DTL: variants seen among roughly 807,000 people sequenced by gnomAD.
DTL encodes the protein denticleless protein homolog.
Under a neutral mutation model 87.0 loss-of-function variants are expected in DTL, and 46 were observed. The observed-to-expected ratio is 0.53, with a 90% CI of 0.42 to 0.68. DTL has a LOEUF of 0.68. DTL is among the 30% of genes least tolerant of loss of function. DTL has a pLI of 0.00. For synonymous variants in DTL, 308 were observed against 311.2 expected, an observed-to-expected ratio of 0.99 and a Z score of 0.11; for missense variants, 737 against 869.4, an observed-to-expected ratio of 0.85 and a Z score of 1.91.
intron 5 of DTL, chr1:212,051,416 A>G (rs1667968506): frequency 1.9e-6 from 1 of 513,214 alleles, no homozygotes; most frequent in Non-Finnish European, 3.2e-6. Context: ...TCATTCTCGA[A>G]GGACATTTTT....
chr1:212,100,669 T>C lies in DTL; in HGVS notation c.1679T>C (p.Leu560Pro), dbSNP rs772596002. ...AAGAGGAGGCTAGACTCAAGCTGTCTGGAGAGTGTGAAACAAAAGTGTGTG... is the reference window on the plus strand; with the variant it reads ...AAGAGGAGGCTAGACTCAAGCTGTCCGGAGAGTGTGAAACAAAAGTGTGTG... ...RVKRRLDSSC[L>P]ESVKQKCVKS... The change falls in exon 14 of 15, where the codon CTG (leucine) becomes CCG (proline). Residue 560 changes from leucine (L) to proline (P), a missense_variant. Leu to Pro is a moderately conservative substitution (Grantham distance 98, BLOSUM62 -3). Transcript: ENST00000366991. 2 of 1,614,114 alleles carry C rather than the reference T, an allele frequency of 1.2e-6. No homozygotes were observed. Among genetic ancestry groups the C allele is most frequent in the Non-Finnish European group, 1.7e-6 (2 of 1,180,028 alleles).
At chr1:212,085,645 T>G (rs1334200604) in intron 13 of DTL, among the ~76,000 whole-genome samples, 1 of 151,510 alleles carries the variant, frequency 6.6e-6, no homozygotes, top group Non-Finnish European at 1.5e-5. Flanking sequence ...ATAATTTTGA[T>G]GAAGTTCAGT....
rs1205357719 is a variant in DTL, at chr1:212,065,017, T to A, written c.627T>A (p.Leu209=). 2 of 1,612,240 alleles carry A rather than the reference T, an allele frequency of 1.2e-6. No homozygotes were observed. The highest frequency in any genetic ancestry group is 8.5e-7 in the Non-Finnish European group (1 of 1,178,434). Residue 209 remains leucine, a synonymous_variant, in exon 7 of 15, where the codon CTT becomes CTA. Coordinates refer to ENST00000366991, the MANE Select transcript of DTL (RefSeq NM_016448.4). ...AGAAGAAACAGAATTCAAAAGGACT[T>A]GCTCCTTCTGTGGTAAGGTTTTACA... The part of the protein sequence containing the change: ...KPKKKQNSKG[L]APSVDFQQSV...
intron 12 of DTL, among the ~76,000 whole-genome samples, chr1:212,078,887 T>C (rs1181152817): frequency 6.6e-6 from 1 of 152,216 alleles, no homozygotes; most frequent in East Asian, 1.9e-4. Flanking sequence ...CATATAATAG[T>C]AGCTCAAGTT....
At chr1:212,050,230 C>T (rs192653357) in intron 5 of DTL, among the ~76,000 whole-genome samples, 173 of 152,206 alleles carry the variant, frequency 1.1e-3, no homozygotes, top group African/African-American at 3.4e-3. Flanking sequence ...CATATAAATA[C>T]TTAGTGTTTT....
rs2102517420 is a variant in DTL, at chr1:212,035,850, C to T, written c.-41C>T. On this transcript the variant is annotated 5_prime_UTR_variant, in exon 1 of 15. Transcript: ENST00000366991. ...ATTTCTGCTGAACTTGGAGGCATTT[C>T]TACGACTTTTCTCTCAGCTGAGGCT... The T allele has an allele frequency of 1.2e-6, 2 of 1,607,050 alleles. No individual in the cohort carries two copies. The highest frequency in any genetic ancestry group is 1.7e-6 in the Non-Finnish European group (2 of 1,173,712).
chr1:212,069,857 T>C (rs1197007989), intron 10 of DTL, among the ~76,000 whole-genome samples: 2 of 152,106 alleles, frequency 1.3e-5, no homozygotes, highest in African/African-American at 4.8e-5. Context: ...AACTTGTCAT[T>C]TTAGCTGAGA....
chr1:212,076,880 T>G (rs1201155695), intron 11 of DTL, among the ~76,000 whole-genome samples: 1 of 152,220 alleles, frequency 6.6e-6, no homozygotes, highest in Non-Finnish European at 1.5e-5. Context: ...GGAAAAAGCT[T>G]CCTTTCTGAT....
rs754039827 is a variant in DTL, at chr1:212,100,506, A to C, written c.1516A>C (p.Thr506Pro). The C allele has an allele frequency of 6.2e-7, 1 of 1,613,880 alleles. No homozygotes were observed. Among genetic ancestry groups the C allele is most frequent in the South Asian group, 1.1e-5 (1 of 91,070 alleles). The change falls in exon 14 of 15, where the codon ACC becomes CCC. Residue 506 changes from threonine (T) to proline (P), a missense_variant. By Grantham distance (38) the Thr-to-Pro change is conservative. Coordinates refer to ENST00000366991, the MANE Select transcript of DTL (RefSeq NM_016448.4). ...SFKMSIRNWVTRTPSSSPPIT... is the reference protein window; with the variant it reads ...SFKMSIRNWVPRTPSSSPPIT... The stretch of plus-strand genomic sequence containing the variant: ...CAAGATGTCGATTAGAAACTGGGTG[A>C]CCCGAACACCTTCCTCATCACCACC...
At chr1:212,036,025 T>C in intron 1 of DTL, 83 bp downstream of exon 1, 1 of 1,333,932 alleles carries the variant, frequency 7.5e-7, no homozygotes, top group Non-Finnish European at 1.1e-6. Context: ...CAGGGCCGAC[T>C]CCAATTCTGA....
At chr1:212,048,588 A>G (rs1437292928) in intron 5 of DTL, among the ~76,000 whole-genome samples, 1 of 152,248 alleles carries the variant, frequency 6.6e-6, no homozygotes, top group African/African-American at 2.4e-5. Context: ...TAAGAGTTAT[A>G]TAACACAGCA....
chr1:212,103,785 G>C lies in DTL; in HGVS notation c.*845G>C, dbSNP rs1158683397. 1 of 152,040 alleles carries C rather than the reference G, an allele frequency of 6.6e-6. No individual in the cohort carries two copies. Among genetic ancestry groups the C allele is most frequent in the Non-Finnish European group, 1.5e-5 (1 of 68,002 alleles). 9.4% of individuals were successfully genotyped at this position (152,040 alleles called of 1,614,324 possible). ...ATCAATTTGGGGTTTGAATTCAGGTGCAGTCATCAGTTCTTTAGGGGCTGC... is the reference window on the plus strand; with the variant it reads ...ATCAATTTGGGGTTTGAATTCAGGTCCAGTCATCAGTTCTTTAGGGGCTGC... On this transcript the variant is annotated 3_prime_UTR_variant, in exon 15 of 15. Coordinates refer to ENST00000366991, the MANE Select transcript of DTL (RefSeq NM_016448.4).
Position 212,062,909 on chromosome 1 carries a change from T to C in DTL, c.486T>C (p.Asp162=), listed in dbSNP as rs145557978. 3.5e-5 allele frequency: 56 copies of C among 1,613,784 alleles called. No individual in the cohort carries two copies. The African/African-American group carries it at 6.1e-4, about 18-fold the overall frequency. Residue 162 remains aspartate, a synonymous_variant, in exon 6 of 15, where the codon GAT becomes GAC. Coordinates refer to ENST00000366991, the MANE Select transcript of DTL (RefSeq NM_016448.4). ...CTGTATTCTGTACGGGTGGAAGAGA[T>C]GGCAACATTATGGTCTGGGATACCA... ...EKAVFCTGGR[D]GNIMVWDTRC...
chr1:212,080,402 A>G (rs2102566804), intron 12 of DTL: 1 of 440,630 alleles, frequency 2.3e-6, no homozygotes, highest in Non-Finnish European at 4.0e-6. Flanking sequence ...ATGTATATGA[A>G]GAATAAACTA....
intron 13 of DTL, among the ~76,000 whole-genome samples, chr1:212,094,885 GC>G (rs1441597575): frequency 6.6e-6 from 1 of 152,066 alleles, no homozygotes; most frequent in Non-Finnish European, 1.5e-5. Flanking sequence ...GATTTGATTT[GC>G]AGCTTGTTTG....
intron 13 of DTL, among the ~76,000 whole-genome samples, chr1:212,084,529 T>G (rs1655075387): frequency 6.6e-6 from 1 of 152,152 alleles, no homozygotes; most frequent in Admixed American, 6.5e-5. Context: ...GTTTAATAAG[T>G]CAGCTAGTTC....
chr1:212,079,551 G>T (rs997966262), intron 12 of DTL, among the ~76,000 whole-genome samples: 4 of 151,954 alleles, frequency 2.6e-5, no homozygotes, highest in Non-Finnish European at 5.9e-5. Flanking sequence ...GAGAAAGCTG[G>T]GTTTAAATTC....
intron 9 of DTL, 85 bp downstream of exon 9, chr1:212,068,412 T>A (rs535999004): frequency 1.4e-5 from 14 of 983,316 alleles, no homozygotes; most frequent in Non-Finnish European, 2.1e-5. Flanking sequence ...AACATTGATA[T>A]GAAAAATTCT....
intron 5 of DTL, among the ~76,000 whole-genome samples, chr1:212,062,513 A>C (rs1187096689): frequency 6.6e-6 from 1 of 152,312 alleles, no homozygotes; most frequent in East Asian, 1.9e-4. Context: ...CTTACCTAAT[A>C]AGGTTGATAG....
Sources: allele counts gnomAD v4.1 joint callset (sites outside exome capture counted in the v4.1 genomes callset), GRCh38; gene constraint gnomAD v4.1.1; transcripts MANE v1.5; gene names NCBI Gene and HGNC (gene_info 2026-07-23, HGNC 2026-07-21).